Variants in KDM4C observed in about 807,000 individuals in gnomAD.
KDM4C encodes lysine-specific demethylase 4C.
KDM4C carries 81 observed loss-of-function variants against 129.3 expected under a neutral mutation model. That is an observed-to-expected ratio of 0.63 (90% CI 0.52 to 0.75). KDM4C has a LOEUF of 0.75. KDM4C is among the 30% of genes least tolerant of loss of function. KDM4C has a pLI of 0.00. For missense variants in KDM4C, 1,457 were observed against 1,304.0 expected (o/e 1.12, Z -1.81); for synonymous variants, 573 against 456.1 (o/e 1.26, Z -3.26).
At chr9:7,104,019 C>T (rs913554674) in intron 18 of KDM4C, 149 bp downstream of exon 18, 18 of 690,730 alleles carry the variant, frequency 2.6e-5, no homozygotes, top group East Asian at 5.5e-5. Flanking sequence ...GCAGGGATTG[C>T]GCACTGTTAT....
intron 19 of KDM4C, among the ~76,000 whole-genome samples, chr9:7,145,486 T>A (rs557342824): frequency 6.6e-6 from 1 of 152,152 alleles, no homozygotes; most frequent in South Asian, 2.1e-4. Context: ...TTACCCCCAC[T>A]CTGCTGTGCT....
intron 17 of KDM4C, among the ~76,000 whole-genome samples, chr9:7,096,613 G>A (rs2133089830): frequency 6.6e-6 from 1 of 152,286 alleles, no homozygotes; most frequent in East Asian, 1.9e-4. Flanking sequence ...GAGGAGTATG[G>A]CAGTTGGTCA....
intron 1 of KDM4C, among the ~76,000 whole-genome samples, chr9:6,722,091 C>G (rs1348191184): frequency 6.6e-6 from 1 of 152,202 alleles, no homozygotes; most frequent in Non-Finnish European, 1.5e-5. Flanking sequence ...CTGTTCCGTG[C>G]TGGTTCCCCA....
At chr9:6,885,336 T>C (rs1845091897) in intron 6 of KDM4C, among the ~76,000 whole-genome samples, 1 of 152,234 alleles carries the variant, frequency 6.6e-6, no homozygotes, top group African/African-American at 2.4e-5. Context: ...CACTTTTACA[T>C]TGTATGTGAA....
chr9:6,926,359 C>G (rs368975806), intron 8 of KDM4C, among the ~76,000 whole-genome samples: 1 of 66,692 alleles, frequency 1.5e-5, no homozygotes, highest in African/African-American at 5.2e-5. Flanking sequence ...AAAAAAAGGA[C>G]CAAAATAAAA....
intron 17 of KDM4C, among the ~76,000 whole-genome samples, chr9:7,071,189 A>G (rs545317105): frequency 6.6e-6 from 1 of 152,332 alleles, no homozygotes; most frequent in South Asian, 2.1e-4. Context: ...AGAAAGTTAC[A>G]CCTGATTGGA....
chr9:6,840,694 G>A (rs1210977868), intron 4 of KDM4C, among the ~76,000 whole-genome samples: 1 of 152,216 alleles, frequency 6.6e-6, no homozygotes, highest in Non-Finnish European at 1.5e-5. Flanking sequence ...ACCGCATCCA[G>A]CCCTCTGTTC....
At chr9:7,095,996 A>G (rs1385663141) in intron 17 of KDM4C, among the ~76,000 whole-genome samples, 1 of 152,198 alleles carries the variant, frequency 6.6e-6, no homozygotes, top group Non-Finnish European at 1.5e-5. Flanking sequence ...GAAAACACCT[A>G]TTTTGTGGTT....
intron 19 of KDM4C, among the ~76,000 whole-genome samples, chr9:7,144,194 G>A (rs1842019852): frequency 6.6e-6 from 1 of 151,478 alleles, no homozygotes; most frequent in Non-Finnish European, 1.5e-5. Flanking sequence ...CAAGCGATAC[G>A]CTCACCTCGG....
At chr9:6,951,881 A>C (rs953983013) in intron 8 of KDM4C, among the ~76,000 whole-genome samples, 1 of 152,210 alleles carries the variant, frequency 6.6e-6, no homozygotes, top group Admixed American at 6.5e-5. Flanking sequence ...ACACGTTATA[A>C]ATATATGATT....
At chr9:6,971,763 G>A (rs533547172) in intron 8 of KDM4C, among the ~76,000 whole-genome samples, 1 of 151,506 alleles carries the variant, frequency 6.6e-6, no homozygotes, top group South Asian at 2.1e-4. Flanking sequence ...TCTAATCAAG[G>A]GTTCTACACA....
At chr9:7,032,094 T>C (rs1826877457) in intron 15 of KDM4C, among the ~76,000 whole-genome samples, 2 of 152,242 alleles carry the variant, frequency 1.3e-5, no homozygotes, top group African/African-American at 4.8e-5. Context: ...CCTGTAACTC[T>C]GTATTTACTT....
chr9:6,752,808 A>G (rs150617312), upstream of KDM4C, among the ~76,000 whole-genome samples: 1 of 152,314 alleles, frequency 6.6e-6, no homozygotes, highest in East Asian at 1.9e-4. Context: ...ATTTCCTATT[A>G]TAATCAGAGA....
chr9:6,957,761 C>A (rs1829330890), intron 8 of KDM4C, among the ~76,000 whole-genome samples: 1 of 152,164 alleles, frequency 6.6e-6, no homozygotes, highest in South Asian at 2.1e-4. Context: ...ACATGGCATG[C>A]ACTCAGCTCC....
intron 4 of KDM4C, among the ~76,000 whole-genome samples, chr9:6,844,031 C>T (rs368275304): frequency 1.1e-4 from 16 of 152,208 alleles, no homozygotes; most frequent in Middle Eastern, 6.8e-3. Context: ...GATGAGGTCT[C>T]TCTCTTTATT....
chr9:6,983,704 A>C (rs145989542), intron 9 of KDM4C, among the ~76,000 whole-genome samples: 15 of 152,298 alleles, frequency 9.8e-5, no homozygotes, highest in Middle Eastern at 6.8e-3. Context: ...CAATTATACA[A>C]AACTCAATGA....
chr9:6,798,715 C>T (rs1334753029), intron 2 of KDM4C, among the ~76,000 whole-genome samples: 17 of 152,348 alleles, frequency 1.1e-4, no homozygotes, highest in South Asian at 6.2e-4. Context: ...TCCACAAAAC[C>T]GCCATTGTCA....
Position 7,011,871 on chromosome 9 carries a change from T to C in KDM4C, c.1960T>C (p.Tyr654His). ...HCAICTLLMP[Y>H]HKPDSSNEEN... is the part of the protein sequence containing the mutation. Reference sequence around the variant, plus strand: ...TGCCATCTGCACTCTGCTCATGCCGTACCACAAGGTAAAGGAGCCTGCTAT... The same window carrying C: ...TGCCATCTGCACTCTGCTCATGCCGCACCACAAGGTAAAGGAGCCTGCTAT... The change falls in exon 13 of 22, where the codon TAC (tyrosine) becomes CAC (histidine). Residue 654 changes from tyrosine (Y) to histidine (H), a missense_variant. By Grantham distance (83) the Tyr-to-His change is moderately conservative. Transcript: ENST00000381309. 6.2e-7 allele frequency: 1 copy of C among 1,613,162 alleles called. No individual in the cohort carries two copies. The highest frequency in any genetic ancestry group is 1.1e-5 in the South Asian group (1 of 91,032).
intron 6 of KDM4C, among the ~76,000 whole-genome samples, chr9:6,884,171 C>T (rs553559476): frequency 5.7e-4 from 87 of 152,114 alleles, no homozygotes; most frequent in African/African-American, 1.9e-3. Flanking sequence ...GATTATGGGA[C>T]GTTAGGGTCA....
Sources: allele counts gnomAD v4.1 joint callset (sites outside exome capture counted in the v4.1 genomes callset), GRCh38; gene constraint gnomAD v4.1.1; transcripts MANE v1.5; gene names NCBI Gene and HGNC (gene_info 2026-07-23, HGNC 2026-07-21).